AAK1: variants seen among roughly 807,000 people sequenced by gnomAD.
The protein encoded by AAK1 is AP2-associated protein kinase 1.
AAK1 carries 37 observed loss-of-function variants against 116.0 expected under a neutral mutation model. The observed-to-expected ratio is 0.32, with a 90% CI of 0.25 to 0.42. The LOEUF is 0.42. Ranked by LOEUF, AAK1 falls within the 10% of genes least tolerant of loss-of-function variation. The pLI is 1.00. For missense variants in AAK1, 919 were observed against 1,170.6 expected, an observed-to-expected ratio of 0.79 and a Z score of 3.14; for synonymous variants, 458 against 439.9, an observed-to-expected ratio of 1.04 and a Z score of -0.51.
rs145989673 is a variant in AAK1 at position 69,468,762 on chromosome 2, T to C, written c.*7107A>G. ...AAGTGCTAGATTACATTTTGAGAACTAGGAAGTACCAAGGGGTGTGTGTAT... is the reference window on the plus strand; with the variant it reads ...AAGTGCTAGATTACATTTTGAGAACCAGGAAGTACCAAGGGGTGTGTGTAT... On this transcript the variant is annotated 3_prime_UTR_variant, in exon 22 of 22. Coordinates refer to ENST00000409085, the MANE Select transcript of AAK1 (RefSeq NM_014911.5). 2 of 985,406 alleles carry C rather than the reference T, an allele frequency of 2.0e-6. No homozygotes were observed. The highest frequency in any genetic ancestry group is 2.4e-6 in the Non-Finnish European group (2 of 829,920). The allele number at this position is 985,406 out of a possible 1,614,324, so 61.0% of individuals were successfully genotyped here.
intron 2 of AAK1, among the ~76,000 whole-genome samples, chr2:69,568,801 A>G (rs1323657946): frequency 6.6e-6 from 1 of 152,218 alleles, no homozygotes; most frequent in Non-Finnish European, 1.5e-5. Flanking sequence ...CATTAGTTAC[A>G]GAGCATTCTA....
At chr2:69,488,005 G>T (rs1186567135) in intron 17 of AAK1, among the ~76,000 whole-genome samples, 1 of 152,012 alleles carries the variant, frequency 6.6e-6, no homozygotes, top group Non-Finnish European at 1.5e-5. Context: ...GGGCCAGGCT[G>T]GTCTCAAACT....
rs951585108 is a variant in AAK1, at chr2:69,464,718, C to G, written c.*11151G>C. 1 of 152,720 alleles carries G rather than the reference C, an allele frequency of 6.5e-6. No homozygotes were observed. The highest frequency in any genetic ancestry group is 1.5e-5 in the Non-Finnish European group (1 of 68,164). 9.5% of individuals were successfully genotyped at this position (152,720 alleles called of 1,614,324 possible). ...AAGCATGGATGTGGGGAAAGCCCTG[C>G]CAGCATGACTAGACATGAGGAGTTA... On this transcript the variant is annotated 3_prime_UTR_variant, in exon 22 of 22. Transcript: ENST00000409085.
rs1476207731 is a variant in AAK1, at chr2:69,461,518, A to C, written c.*14351T>G. The C allele has an allele frequency of 4.4e-6, 1 of 225,774 alleles. No homozygotes were observed. The highest frequency in any genetic ancestry group is 2.5e-5 in the African/African-American group (1 of 39,738). The allele number at this position is 225,774 out of a possible 1,614,324, so 14.0% of individuals were successfully genotyped here. A position where few individuals can be genotyped will look rare whatever the true frequency, so the allele number is the denominator to read the frequency against. On this transcript the variant is annotated 3_prime_UTR_variant, in exon 22 of 22. Transcript: ENST00000409085. ...CATCACCAAAAAAAAAAAAAAAAGTAATTTGCATGTGTTTGCATCCGTTTC... is the reference window on the plus strand; with the variant it reads ...CATCACCAAAAAAAAAAAAAAAAGTCATTTGCATGTGTTTGCATCCGTTTC...
At chr2:69,557,008 G>C in intron 2 of AAK1, 30 bp from the exon 3 acceptor site, 1 of 1,555,698 alleles carries the variant, frequency 6.4e-7, no homozygotes, top group Non-Finnish European at 8.9e-7. Context: ...AAGCTCTTTT[G>C]AGTCAATGTT....
Position 69,461,616 on chromosome 2 carries a change from C to T in AAK1, c.*14253G>A, listed in dbSNP as rs926146413. Reference sequence around the variant, plus strand: ...GACAATTTTTTTTTTTTTTTTGAGGCGGAGTTTTGCTCTTCTCGCCCAGGC... The same window carrying T: ...GACAATTTTTTTTTTTTTTTTGAGGTGGAGTTTTGCTCTTCTCGCCCAGGC... On this transcript the variant is annotated 3_prime_UTR_variant, in exon 22 of 22. Coordinates refer to ENST00000409085, the MANE Select transcript of AAK1 (RefSeq NM_014911.5). 10 of 383,876 alleles carry T rather than the reference C, an allele frequency of 2.6e-5. No homozygotes were observed. Among genetic ancestry groups the T allele is most frequent in the Non-Finnish European group, 4.5e-5 (9 of 200,238 alleles). The allele number at this position is 383,876 out of a possible 1,614,324, so 23.8% of individuals were successfully genotyped here. A position where few individuals can be genotyped will look rare whatever the true frequency, so the allele number is the denominator to read the frequency against.
Position 69,496,014 on chromosome 2 carries a change from A to G in AAK1, c.2336T>C (p.Phe779Ser). Residue 779 changes from phenylalanine (F) to serine (S), a missense_variant, in exon 17 of 22, where the codon TTC becomes TCC. Physicochemically the swap from Phe to Ser is radical, Grantham distance 155. This residue lies in a region of AAK1 where 263 missense variants were observed against 285.5 expected (regional missense o/e 0.92). Coordinates refer to ENST00000409085, the MANE Select transcript of AAK1 (RefSeq NM_014911.5). ...GLPLLSVSDPFIPLQVPDAPE... is the reference protein window; with the variant it reads ...GLPLLSVSDPSIPLQVPDAPE... ...TGCATCAGGTACTTGAAGAGGAATGAAAGGATCAGACACGCTTAGAAGCGG... is the reference window on the plus strand; with the variant it reads ...TGCATCAGGTACTTGAAGAGGAATGGAAGGATCAGACACGCTTAGAAGCGG... 6.4e-7 allele frequency: 1 copy of G among 1,554,474 alleles called. No homozygotes were observed. The highest frequency in any genetic ancestry group is 1.2e-5 in the South Asian group (1 of 84,162).
In AAK1 at chr2:69,565,719, G is replaced by A. The variant is rs80251990; in HGVS notation, c.164-8741C>T. The stretch of plus-strand genomic sequence containing the variant: ...CAGGTGGGAGAGTGTCCTCTCCATG[G>A]TGAGAGCTTGGGTGTACCATTCAGG... On this transcript the variant is annotated intron_variant, in intron 2 of 21. Transcript: ENST00000409085. Among the ~76,000 whole-genome samples the A allele has an allele frequency of 6.6e-3, 999 of 152,364 alleles. 22 individuals carry two copies. The highest frequency in any genetic ancestry group is 0.012 in the East Asian group (63 of 5,190).
intron 2 of AAK1, among the ~76,000 whole-genome samples, chr2:69,606,171 A>C (rs1468164533): frequency 6.6e-6 from 1 of 152,156 alleles, no homozygotes; most frequent in Non-Finnish European, 1.5e-5. Flanking sequence ...CTGCTTCCTG[A>C]TTTCTACCAT....
chr2:69,506,396 C>G (rs1676186182), intron 15 of AAK1, among the ~76,000 whole-genome samples: 1 of 152,192 alleles, frequency 6.6e-6, no homozygotes, highest in South Asian at 2.1e-4. Context: ...CAGGGTCTCA[C>G]TCTGTCACCC....
chr2:69,610,363 G>A (rs985959619), intron 2 of AAK1, among the ~76,000 whole-genome samples: 1 of 152,110 alleles, frequency 6.6e-6, no homozygotes, highest in Non-Finnish European at 1.5e-5. Context: ...ACTCAAATTG[G>A]ATCAAACATC....
At chr2:69,487,585 C>T (rs34701686) in intron 17 of AAK1, among the ~76,000 whole-genome samples, 44,093 of 151,986 alleles carry the variant, frequency 0.29, 7,801 homozygotes, top group East Asian at 0.52. Flanking sequence ...TCTTCTGGGA[C>T]AGTTCATACC....
intron 2 of AAK1, among the ~76,000 whole-genome samples, chr2:69,572,751 C>T (rs1007586884): frequency 6.6e-6 from 1 of 152,000 alleles, no homozygotes; most frequent in African/African-American, 2.4e-5. Context: ...ATGCTGTATG[C>T]ACAAGAGAGA....
In AAK1 at chr2:69,472,460, A is replaced by G; in HGVS notation, c.*3409T>C. ...CTTTAAGGATGGCAGCATCATTAGA[A>G]TAAGTATTAACTTCTTAAGTAAAAC... is the stretch of plus-strand genomic sequence containing the variant. On this transcript the variant is annotated 3_prime_UTR_variant, in exon 22 of 22. Coordinates refer to ENST00000409085, the MANE Select transcript of AAK1 (RefSeq NM_014911.5). 2.7e-6 allele frequency: 1 copy of G among 368,372 alleles called. No homozygotes were observed. The highest frequency in any genetic ancestry group is 3.8e-6 in the Non-Finnish European group (1 of 266,184). The allele number at this position is 368,372 out of a possible 1,614,324, so 22.8% of individuals were successfully genotyped here.
chr2:69,626,784 G>A (rs1366044422), intron 2 of AAK1, among the ~76,000 whole-genome samples: 2 of 151,764 alleles, frequency 1.3e-5, no homozygotes, highest in Non-Finnish European at 2.9e-5. Context: ...ATAGGCATGG[G>A]CCACCAGGGC....
chr2:69,529,793 T>C (rs751613112), intron 8 of AAK1, among the ~76,000 whole-genome samples: 7 of 152,148 alleles, frequency 4.6e-5, no homozygotes, highest in Non-Finnish European at 8.8e-5. Flanking sequence ...CTTGGGTGGC[T>C]GGGCTCAGGT....
intron 2 of AAK1, among the ~76,000 whole-genome samples, chr2:69,609,256 G>T (rs1436820448): frequency 6.6e-6 from 1 of 152,030 alleles, no homozygotes; most frequent in Non-Finnish European, 1.5e-5. Flanking sequence ...CCAGCTATTC[G>T]GGAGGCTGAG....
chr2:69,596,672 T>A (rs1673304599), intron 2 of AAK1, among the ~76,000 whole-genome samples: 1 of 152,252 alleles, frequency 6.6e-6, no homozygotes, highest in South Asian at 2.1e-4. Flanking sequence ...AGACCATTCA[T>A]GCTTTTCTGG....
At chr2:69,584,430 A>G (rs983662540) in intron 2 of AAK1, among the ~76,000 whole-genome samples, 3 of 152,224 alleles carry the variant, frequency 2.0e-5, no homozygotes, top group Admixed American at 6.5e-5. Context: ...GAAATGGGGT[A>G]AGAGTATAAG....
Sources: gnomAD v4.1 joint callset for allele counts (sites outside exome capture counted in the v4.1 genomes callset) on GRCh38, gnomAD v4.1.1 for gene constraint, gnomAD v4.1.1 regional missense constraint, MANE v1.5 for transcripts, NCBI Gene and HGNC (gene_info 2026-07-23, HGNC 2026-07-21) for gene names.